MAML2: variants seen among roughly 807,000 people sequenced by gnomAD.
The protein encoded by MAML2 is mastermind like transcriptional coactivator 2, also known as mastermind-like protein 2.
A neutral mutation model predicts 96.1 loss-of-function variants in MAML2; 22 were observed. That is an observed-to-expected ratio of 0.23 (90% CI 0.16 to 0.33). The LOEUF (loss-of-function observed/expected upper bound fraction) is 0.33. MAML2 is among the 10% of genes least tolerant of loss of function. The pLI, the probability that MAML2 is intolerant of heterozygous loss-of-function variation, is 1.00. For synonymous variants in MAML2, 561 were observed against 521.3 expected (o/e 1.08, Z -1.04); for missense variants, 1,367 against 1,392.4 (o/e 0.98, Z 0.29).
chr11:96,152,401 A>G (rs1860938228), intron 1 of MAML2, among the ~76,000 whole-genome samples: 1 of 113,662 alleles, frequency 8.8e-6, no homozygotes, highest in African/African-American at 2.8e-5. Flanking sequence ...CAGAGAAGAT[A>G]GAACACCAGT....
intron 1 of MAML2, among the ~76,000 whole-genome samples, chr11:96,126,699 C>T (rs1225205143): frequency 5.9e-5 from 9 of 152,142 alleles, no homozygotes; most frequent in South Asian, 2.1e-4. Flanking sequence ...GACTGGGAAG[C>T]GCTTTGAAAG....
chr11:95,983,328 G>A (rs1161425932), intron 4 of MAML2, among the ~76,000 whole-genome samples: 7 of 152,150 alleles, frequency 4.6e-5, no homozygotes, highest in Non-Finnish European at 8.8e-5. Flanking sequence ...AGAACCATAC[G>A]TTCTCATCCA....
intron 2 of MAML2, among the ~76,000 whole-genome samples, chr11:96,050,348 G>A (rs968496220): frequency 3.3e-5 from 5 of 152,180 alleles, no homozygotes; most frequent in African/African-American, 7.2e-5. Context: ...GGAGGACACC[G>A]ACTGGCAAAT....
At chr11:96,296,662 A>T (rs117917699) in intron 1 of MAML2, among the ~76,000 whole-genome samples, 1 of 152,092 alleles carries the variant, frequency 6.6e-6, no homozygotes, top group African/African-American at 2.4e-5. Context: ...AAAATTAAAT[A>T]AATAAATAAA....
intron 1 of MAML2, among the ~76,000 whole-genome samples, chr11:96,193,873 C>T (rs994646427): frequency 1.3e-5 from 2 of 152,210 alleles, no homozygotes; most frequent in East Asian, 3.8e-4. Flanking sequence ...CTGACAAATT[C>T]TACCACCATA....
intron 1 of MAML2, among the ~76,000 whole-genome samples, chr11:96,246,455 T>C (rs1429024579): frequency 6.6e-6 from 1 of 152,100 alleles, no homozygotes; most frequent in Non-Finnish European, 1.5e-5. Context: ...AGCACAGTGA[T>C]TGCTTCTGCC....
At chr11:96,186,057 A>G (rs1312453718) in intron 1 of MAML2, among the ~76,000 whole-genome samples, 2 of 152,220 alleles carry the variant, frequency 1.3e-5, no homozygotes, top group African/African-American at 4.8e-5. Flanking sequence ...GAGGACCCCA[A>G]GTGTATAGAA....
rs200597502 is a variant in MAML2 at position 96,092,988 on chromosome 11, C to T, written c.1043G>A (p.Ser348Asn). ...DPFNIDLGQQ[S>N]QRSTPRPSLP... Reference sequence around the variant, plus strand: ...GGAGGGCCTAGGTGTGCTCCTCTGGCTTTGCTGACCCAAGTCAATGTTAAA... The same window carrying T: ...GGAGGGCCTAGGTGTGCTCCTCTGGTTTTGCTGACCCAAGTCAATGTTAAA... The change falls in exon 2 of 5, where the codon AGC (serine) becomes AAC (asparagine). Residue 348 changes from serine (S) to asparagine (N), a missense_variant. Physicochemically the swap from Ser to Asn is conservative, Grantham distance 46 (BLOSUM62 1). Transcript: ENST00000524717. The surrounding 1 kb of genome is among the most constrained non-coding windows in gnomAD (Gnocchi z 4.1). The T allele has an allele frequency of 3.2e-4, 520 of 1,613,824 alleles. 1 individual carries two copies. The highest frequency in any genetic ancestry group is 4.0e-4 in the Non-Finnish European group (467 of 1,179,870).
At chr11:96,257,711 C>A (rs1034021971) in intron 1 of MAML2, among the ~76,000 whole-genome samples, 5 of 147,086 alleles carry the variant, frequency 3.4e-5, no homozygotes, top group African/African-American at 1.0e-4. Flanking sequence ...GAAAAAAAAA[C>A]CTCTATAATA....
intron 4 of MAML2, among the ~76,000 whole-genome samples, chr11:95,980,937 G>A (rs909504915): frequency 2.0e-5 from 3 of 152,192 alleles, no homozygotes; most frequent in Non-Finnish European, 4.4e-5. Flanking sequence ...GGTCCTGGAT[G>A]AAGACCGCTT....
chr11:96,171,831 GTC>G (rs1438034792), intron 1 of MAML2, among the ~76,000 whole-genome samples: 1 of 152,222 alleles, frequency 6.6e-6, no homozygotes, highest in Non-Finnish European at 1.5e-5. Flanking sequence ...GGAGGGAGGC[GTC>G]TGTGGAAGGC....
chr11:96,060,105 G>A (rs1282501051), intron 2 of MAML2, among the ~76,000 whole-genome samples: 1 of 152,194 alleles, frequency 6.6e-6, no homozygotes, highest in East Asian at 1.9e-4. Flanking sequence ...AAGGCATGAA[G>A]GAATAAGAGC....
intron 2 of MAML2, among the ~76,000 whole-genome samples, chr11:96,032,854 C>A (rs1326327627): frequency 1.3e-5 from 2 of 152,176 alleles, no homozygotes; most frequent in African/African-American, 4.8e-5. Flanking sequence ...TACAGGGATA[C>A]ACCAGCAGTT....
At chr11:96,191,796 A>T (rs572653266) in intron 1 of MAML2, among the ~76,000 whole-genome samples, 4 of 151,858 alleles carry the variant, frequency 2.6e-5, no homozygotes, top group African/African-American at 9.7e-5. Flanking sequence ...ACCACAAAAG[A>T]ATGGAATTAG....
intron 1 of MAML2, among the ~76,000 whole-genome samples, chr11:96,196,944 T>C (rs1332524111): frequency 6.6e-6 from 1 of 151,478 alleles, no homozygotes; most frequent in Non-Finnish European, 1.5e-5. Flanking sequence ...CGTGTTATTA[T>C]TGTGGTCCTT....
At chr11:96,116,989 C>G (rs1485238250) in intron 1 of MAML2, among the ~76,000 whole-genome samples, 1 of 152,174 alleles carries the variant, frequency 6.6e-6, no homozygotes, top group Non-Finnish European at 1.5e-5. Context: ...ATTGAATTGA[C>G]AGCCATTAAT....
Position 96,311,527 on chromosome 11 carries a change from G to C in MAML2, c.513+29856C>G, listed in dbSNP as rs180796353. On this transcript the variant is annotated intron_variant, in intron 1 of 4. Transcript: ENST00000524717. ...AGAGGGTTGGTGCTACAGATAGCTA[G>C]AGATGGCGGTACCTAGATAGGATTC... 4.6e-5 allele frequency among the ~76,000 whole-genome samples: 7 copies of C among 152,314 alleles called. No homozygotes were observed. The East Asian group carries it at 1.4e-3, about 29-fold the overall frequency.
intron 2 of MAML2, among the ~76,000 whole-genome samples, chr11:96,044,921 C>G (rs1858871989): frequency 6.6e-6 from 1 of 152,176 alleles, no homozygotes; most frequent in Non-Finnish European, 1.5e-5. Context: ...TCAGGATATG[C>G]CTGCACTTAG....
chr11:96,122,679 CA>C (rs1165248073), intron 1 of MAML2, among the ~76,000 whole-genome samples: 1 of 152,176 alleles, frequency 6.6e-6, no homozygotes, highest in African/African-American at 2.4e-5. Context: ...AAATCCAAGG[CA>C]GCAAATCAGA....
Sources: gnomAD v4.1 joint callset for allele counts (sites outside exome capture counted in the v4.1 genomes callset) on GRCh38, gnomAD v4.1.1 for gene constraint, Gnocchi (gnomAD v3.1) non-coding constraint, MANE v1.5 for transcripts, NCBI Gene and HGNC (gene_info 2026-07-23, HGNC 2026-07-21) for gene names.